The following ATP8B4 variants were observed in gnomAD, a reference collection of about 807,000 sequenced individuals.
ATP8B4 encodes the protein ATPase phospholipid transporting 8B4 (putative), also known as probable phospholipid-transporting ATPase IM.
ATP8B4 carries 133 observed loss-of-function variants against 145.6 expected under a neutral mutation model. The ratio of observed to expected loss-of-function variants is 0.91; its 90% CI spans 0.79 to 1.05. The LOEUF (loss-of-function observed/expected upper bound fraction) is 1.05, where lower values mean the gene tolerates loss of function less well. Among genes scored for constraint, ATP8B4 ranks in the 50% least tolerant of loss-of-function variants. ATP8B4 has a pLI of 0.00. For missense variants in ATP8B4, 1,458 were observed against 1,425.2 expected, an observed-to-expected ratio of 1.02 and a Z score of -0.37; for synonymous variants, 507 against 492.9, an observed-to-expected ratio of 1.03 and a Z score of -0.38.
At chr15:50,156,129 TATATATATAA>T (rs2044414401) in intron 1 of ATP8B4, among the ~76,000 whole-genome samples, 5 of 17,360 alleles carry the variant, frequency 2.9e-4, no homozygotes, top group Admixed American at 1.4e-3. Flanking sequence ...AATATATTTA[TATATATATAA>T]ATATATATAT....
rs76351737 is a variant in ATP8B4 at position 49,915,834 on chromosome 15, G to GTTT, written c.2141+1097_2141+1099dup. 1.3e-3 allele frequency among the ~76,000 whole-genome samples: 185 copies of GTTT among 141,516 alleles called. 1 individual carries two copies. Among genetic ancestry groups the GTTT allele is most frequent in the African/African-American group, 4.4e-3 (171 of 38,850 alleles). The allele number at this position is 141,516 out of a possible 152,430, so 92.8% of individuals were successfully genotyped here. The stretch of plus-strand genomic sequence containing the variant: ...GTTTCTAACCAGCACGATATAGCAG[G>GTTT]TTTTTTTTTTTTTTTTAACTGCAGG... On this transcript the variant is annotated intron_variant, in intron 20 of 27. Coordinates refer to ENST00000284509, the MANE Select transcript of ATP8B4 (RefSeq NM_024837.4).
intron 15 of ATP8B4, 143 bp from the exon 16 acceptor site, chr15:49,931,450 C>T (rs754242884): frequency 2.4e-5 from 18 of 743,082 alleles, no homozygotes; most frequent in Non-Finnish European, 3.9e-5. Flanking sequence ...CTTTTCTACT[C>T]ACCAACAGCT....
chr15:50,148,417 C>G (rs981299853), intron 1 of ATP8B4, among the ~76,000 whole-genome samples: 2 of 151,878 alleles, frequency 1.3e-5, no homozygotes, highest in African/African-American at 2.4e-5. Context: ...GTAGGTGTTG[C>G]CAATATGACA....
chr15:49,868,311 A>G (rs1008125507), intron 25 of ATP8B4, among the ~76,000 whole-genome samples: 46 of 152,366 alleles, frequency 3.0e-4, no homozygotes, highest in African/African-American at 1.0e-3. Flanking sequence ...CTAAAGAAAA[A>G]GACTGACTCA....
intron 1 of ATP8B4, among the ~76,000 whole-genome samples, chr15:50,127,617 C>A (rs1489386956): frequency 6.6e-6 from 1 of 152,224 alleles, no homozygotes; most frequent in African/African-American, 2.4e-5. Context: ...CTGAGGATAG[C>A]AACCTAGACG....
chr15:50,002,963 T>C (rs1318911928), intron 7 of ATP8B4, among the ~76,000 whole-genome samples: 1 of 152,200 alleles, frequency 6.6e-6, no homozygotes, highest in Non-Finnish European at 1.5e-5. Context: ...ATTGGCAAAG[T>C]GCTTATTGAT....
rs779497896 is a variant in ATP8B4, at chr15:49,979,605, C to T, written c.1034+12G>A. 2.8e-6 allele frequency: 4 copies of T among 1,429,722 alleles called. No individual in the cohort carries two copies. Among genetic ancestry groups the T allele is most frequent in the Non-Finnish European group, 3.8e-6 (4 of 1,065,180 alleles). The allele number at this position is 1,429,722 out of a possible 1,614,324, so 88.6% of individuals were successfully genotyped here. A position where few individuals can be genotyped will look rare whatever the true frequency, so the allele number is the denominator to read the frequency against. On this transcript the variant is annotated intron_variant, in intron 12 of 27. Transcript: ENST00000284509. ...TGAAATTATTTCATTAAAATATAAA[C>T]TCTCATCTTACCTCACATATAAGGA... is the stretch of plus-strand genomic sequence containing the variant.
At chr15:49,909,218 G>A (rs562451777) in intron 20 of ATP8B4, among the ~76,000 whole-genome samples, 41 of 152,110 alleles carry the variant, frequency 2.7e-4, no homozygotes, top group South Asian at 8.3e-4. Context: ...ATCCACTGCC[G>A]TGGCTCCATC....
chr15:50,075,697 A>G (rs1210618732), intron 2 of ATP8B4, among the ~76,000 whole-genome samples: 1 of 152,202 alleles, frequency 6.6e-6, no homozygotes, highest in African/African-American at 2.4e-5. Flanking sequence ...ACCAGGAAGC[A>G]ACCTCTCAAC....
chr15:50,036,476 G>A (rs530719968), intron 6 of ATP8B4, among the ~76,000 whole-genome samples: 29 of 152,282 alleles, frequency 1.9e-4, no homozygotes, highest in Middle Eastern at 6.8e-3. Context: ...AGGAAGACAG[G>A]GAGATCTGGG....
At chr15:50,047,212 G>A (rs992769698) in intron 4 of ATP8B4, 139 bp downstream of exon 4, 3 of 606,994 alleles carry the variant, frequency 4.9e-6, no homozygotes, top group Middle Eastern at 4.5e-4. Context: ...AAAAGAAACA[G>A]CAACAACAAG....
rs1359962266 is a variant in ATP8B4 at position 50,072,987 on chromosome 15, T to TAC, written c.87+1139_87+1140insGT. Among the ~76,000 whole-genome samples, 113 of 16,612 alleles carry TAC rather than the reference T, an allele frequency of 6.8e-3. 1 individual carries two copies. Among genetic ancestry groups the TAC allele is most frequent in the Non-Finnish European group, 0.01 (99 of 9,898 alleles). 10.9% of individuals were successfully genotyped at this position (16,612 alleles called of 152,430 possible). A position where few individuals can be genotyped will look rare whatever the true frequency, so the allele number is the denominator to read the frequency against. Reference sequence around the variant, plus strand: ...CTCTCTCTCTCTCTCTCTCTATATATATATATATATATATATATATATATA... The same window carrying TAC: ...CTCTCTCTCTCTCTCTCTCTATATATACATATATATATATATATATATATATA... On this transcript the variant is annotated intron_variant, in intron 3 of 27. Transcript: ENST00000284509.
At chr15:50,151,859 T>C (rs1464410327) in intron 1 of ATP8B4, among the ~76,000 whole-genome samples, 1 of 151,470 alleles carries the variant, frequency 6.6e-6, no homozygotes, top group African/African-American at 2.4e-5. Flanking sequence ...ATAGTAAGAA[T>C]AAAGAGTAAA....
chr15:50,058,956 C>G (rs2052807515), intron 3 of ATP8B4, among the ~76,000 whole-genome samples: 3 of 141,042 alleles, frequency 2.1e-5, no homozygotes, highest in African/African-American at 8.5e-5. Context: ...TAGGGGAGGG[C>G]AGGGAAAAAA....
rs1166443303 is a variant in ATP8B4 at position 49,934,389 on chromosome 15, T to C, written c.1288-207A>G. On this transcript the variant is annotated intron_variant, in intron 14 of 27. Transcript: ENST00000284509. ...ACCAAAGAAGTGAACTTTCCAAAAG[T>C]ATATGGGAAAGAAAAATCACAAAAC... 2.0e-5 allele frequency among the ~76,000 whole-genome samples: 3 copies of C among 152,034 alleles called. No individual in the cohort carries two copies. In the East Asian group the frequency reaches 5.8e-4, roughly 29 times the overall value.
chr15:50,048,246 T>C (rs1392424689), intron 3 of ATP8B4, among the ~76,000 whole-genome samples: 1 of 151,894 alleles, frequency 6.6e-6, no homozygotes, highest in Non-Finnish European at 1.5e-5. Flanking sequence ...AATTTGCATA[T>C]TAATGCCATT....
At chr15:49,977,704 C>T (rs144555323) in intron 12 of ATP8B4, among the ~76,000 whole-genome samples, 59 of 152,002 alleles carry the variant, frequency 3.9e-4, no homozygotes, top group East Asian at 2.1e-3. Flanking sequence ...TATAGAACAT[C>T]AGTAATTTTG....
In ATP8B4 at chr15:50,095,276, TGAAA is replaced by T. The variant is rs1376822086; in HGVS notation, c.28+11659_28+11662del. ...GGTGTCCACCCAAAAAATCAGAGAC[TGAAA>T]GAGAGAGAGAATATTAGCAAAAGAA... On this transcript the variant is annotated intron_variant, in intron 2 of 27. Transcript: ENST00000284509. Among the ~76,000 whole-genome samples the T allele has an allele frequency of 5.9e-5, 9 of 152,058 alleles. 1 individual carries two copies. The East Asian group carries it at 1.4e-3, about 23-fold the overall frequency.
intron 14 of ATP8B4, among the ~76,000 whole-genome samples, chr15:49,950,145 G>T (rs1338280143): frequency 1.3e-5 from 2 of 152,114 alleles, no homozygotes; most frequent in East Asian, 1.9e-4. Flanking sequence ...TCTCTTCCTG[G>T]TTTTGGTATC....
Sources: allele counts gnomAD v4.1 joint callset (sites outside exome capture counted in the v4.1 genomes callset), GRCh38; gene constraint gnomAD v4.1.1; transcripts MANE v1.5; gene names NCBI Gene and HGNC (gene_info 2026-07-23, HGNC 2026-07-21).